EPS15L1: variants seen among roughly 807,000 people sequenced by gnomAD.
The protein encoded by EPS15L1 is epidermal growth factor receptor substrate 15-like 1.
In EPS15L1, 43 loss-of-function variants were observed where a neutral mutation model predicts 117.1. That is an observed-to-expected ratio of 0.37 (90% confidence interval 0.29 to 0.47). EPS15L1 has a LOEUF of 0.47. Ranked by LOEUF, EPS15L1 falls within the 20% of genes least tolerant of loss-of-function variation. The probability of loss-of-function intolerance (pLI) is 0.99; values close to 1 mark genes in which losing one functional copy is unlikely to be tolerated. For missense variants in EPS15L1, 981 were observed against 1,164.0 expected, an observed-to-expected ratio of 0.84 and a Z score of 2.29; for synonymous variants, 459 against 470.5, an observed-to-expected ratio of 0.98 and a Z score of 0.32.
chr19:16,403,684 G>A (rs1454407606), intron 15 of EPS15L1, 49 bp downstream of exon 15: 1 of 1,558,376 alleles, frequency 6.4e-7, no homozygotes, highest in Non-Finnish European at 8.8e-7. Context: ...TCGGCTCTTG[G>A]GGCTCGCTGG....
At chr19:16,448,811 C>G (rs1052771784) in intron 1 of EPS15L1, among the ~76,000 whole-genome samples, 1 of 151,172 alleles carries the variant, frequency 6.6e-6, no homozygotes, top group Non-Finnish European at 1.5e-5. Flanking sequence ...GCCTGGGTGA[C>G]AGAGCAAGAC....
chr19:16,359,361 G>A (rs1054298288), intron 23 of EPS15L1, among the ~76,000 whole-genome samples: 9 of 152,322 alleles, frequency 5.9e-5, no homozygotes, highest in South Asian at 2.1e-4. Flanking sequence ...CCCGAATGCC[G>A]TGAACATGGA....
intron 12 of EPS15L1, among the ~76,000 whole-genome samples, chr19:16,414,895 C>T (rs528469563): frequency 3.0e-4 from 45 of 151,846 alleles, no homozygotes; most frequent in Admixed American, 2.0e-3. Flanking sequence ...TTTTTGTAGC[C>T]GAGGTCTCAA....
intron 1 of EPS15L1, among the ~76,000 whole-genome samples, chr19:16,464,032 G>A (rs769125123): frequency 1.3e-5 from 2 of 152,262 alleles, no homozygotes; most frequent in South Asian, 4.1e-4. Flanking sequence ...CGGGGAGCAG[G>A]TGTGCTGTCA....
intron 8 of EPS15L1, among the ~76,000 whole-genome samples, chr19:16,427,597 A>C (rs908230999): frequency 6.6e-6 from 1 of 152,210 alleles, no homozygotes; most frequent in Non-Finnish European, 1.5e-5. Flanking sequence ...CACTTAAAAA[A>C]TGAAAGAAGG....
chr19:16,378,227 A>G (rs2092320294), intron 21 of EPS15L1, among the ~76,000 whole-genome samples: 1 of 151,892 alleles, frequency 6.6e-6, no homozygotes, highest in African/African-American at 2.4e-5. Context: ...GGCACTTCCT[A>G]TAGGGAAGCT....
chr19:16,392,479 A>G, intron 18 of EPS15L1, 39 bp from the exon 19 acceptor site: 1 of 1,584,154 alleles, frequency 6.3e-7, no homozygotes, highest in East Asian at 2.2e-5. Flanking sequence ...CATTATACCA[A>G]GTGAAAGAAC....
rs982737306 is a variant in EPS15L1 at position 16,365,192 on chromosome 19, A to G, written c.2381-3208T>C. 1.3e-5 allele frequency among the ~76,000 whole-genome samples: 2 copies of G among 152,238 alleles called. No homozygotes were observed. The highest frequency in any genetic ancestry group is 2.4e-5 in the African/African-American group (1 of 41,464). ...CTGGGGCTGGGAGTGGCCCTGGAAGACGGTGTGGGGCATGGCGGCCACCCC... is the reference window on the plus strand; with the variant it reads ...CTGGGGCTGGGAGTGGCCCTGGAAGGCGGTGTGGGGCATGGCGGCCACCCC... On this transcript the variant is annotated intron_variant, in intron 22 of 23. Coordinates refer to ENST00000455140, the MANE Select transcript of EPS15L1 (RefSeq NM_001258374.3). This position sits in a 1 kb window ranked among gnomAD's most constrained non-coding sequence, Gnocchi z 4.9.
chr19:16,442,743 G>A (rs1344392503), intron 1 of EPS15L1, among the ~76,000 whole-genome samples: 4 of 152,170 alleles, frequency 2.6e-5, no homozygotes, highest in Admixed American at 6.5e-5. Flanking sequence ...ACCAGCCCGC[G>A]CCCGGAGAGC....
intron 12 of EPS15L1, 64 bp from the exon 13 acceptor site, chr19:16,413,909 G>C: frequency 7.9e-7 from 1 of 1,265,998 alleles, no homozygotes. Flanking sequence ...CCTTCCCAAG[G>C]CCTGATTCTG....
chr19:16,392,493 G>C, intron 18 of EPS15L1, 53 bp from the exon 19 acceptor site: 1 of 1,517,452 alleles, frequency 6.6e-7, no homozygotes, highest in Admixed American at 1.7e-5. Flanking sequence ...AAAGAACCCA[G>C]ACATAAAAGA....
chr19:16,393,432 G>A (rs1240907090), intron 18 of EPS15L1, among the ~76,000 whole-genome samples: 1 of 151,942 alleles, frequency 6.6e-6, no homozygotes, highest in Non-Finnish European at 1.5e-5. Flanking sequence ...CAGATCACCT[G>A]AGGTCAAGAG....
chr19:16,470,635 G>C (rs914729484), intron 1 of EPS15L1, among the ~76,000 whole-genome samples: 5 of 151,894 alleles, frequency 3.3e-5, no homozygotes, highest in Admixed American at 2.6e-4. Flanking sequence ...AATAATCACC[G>C]GGTTTTAGCA....
intron 12 of EPS15L1, chr19:16,417,300 C>T (rs1189008892): frequency 2.1e-6 from 1 of 468,680 alleles, no homozygotes; most frequent in South Asian, 2.1e-5. Flanking sequence ...AGCTGCCACC[C>T]ACAGGCTCTG....
rs551429165 is a variant in EPS15L1 at position 16,406,082 on chromosome 19, G to T, written c.1267-1333C>A. On this transcript the variant is annotated intron_variant, in intron 13 of 23. Coordinates refer to ENST00000455140, the MANE Select transcript of EPS15L1 (RefSeq NM_001258374.3). Reference sequence around the variant, plus strand: ...GCGGGGAGCCATGGCTGGGTGGTGGGGCTGAGTCCGAGAGCCAGCCTGGGC... The same window carrying T: ...GCGGGGAGCCATGGCTGGGTGGTGGTGCTGAGTCCGAGAGCCAGCCTGGGC... Among the ~76,000 whole-genome samples, 54 of 152,256 alleles carry T rather than the reference G, an allele frequency of 3.5e-4. No individual in the cohort carries two copies. The South Asian group carries it at 3.7e-3, about 11-fold the overall frequency.
intron 1 of EPS15L1, among the ~76,000 whole-genome samples, chr19:16,457,163 A>T (rs1005058558): frequency 6.6e-5 from 10 of 152,192 alleles, no homozygotes; most frequent in Non-Finnish European, 1.0e-4. Context: ...CCAGTTCCCT[A>T]AAAACGAATG....
chr19:16,417,566 A>T lies in EPS15L1; in HGVS notation c.1179T>A (p.Ile393=), dbSNP rs2092770649. The T allele has an allele frequency of 6.2e-7, 1 of 1,613,976 alleles. No homozygotes were observed. Among genetic ancestry groups the T allele is most frequent in the Non-Finnish European group, 8.5e-7 (1 of 1,179,948 alleles). ...TTCCAACATACCTTTGTAACTGGGC[A>T]ATCTCTTGACTGATGTCATCAAGCT... ...VKELDDISQE[I]AQLQREKYSL... The change falls in exon 12 of 24, where the codon ATT becomes ATA. Residue 393 remains isoleucine, a synonymous_variant. Coordinates refer to ENST00000455140, the MANE Select transcript of EPS15L1 (RefSeq NM_001258374.3).
chr19:16,361,066 T>C (rs1190768095), intron 23 of EPS15L1, among the ~76,000 whole-genome samples: 1 of 152,292 alleles, frequency 6.6e-6, no homozygotes, highest in South Asian at 2.1e-4. Flanking sequence ...CGACGGCATG[T>C]TACAATCTGG....
chr19:16,458,680 A>C (rs1568468419), intron 1 of EPS15L1, among the ~76,000 whole-genome samples: 2 of 151,984 alleles, frequency 1.3e-5, no homozygotes, highest in African/African-American at 4.8e-5. Flanking sequence ...CTCCACACAC[A>C]CACTCACTCA....
Sources: gnomAD v4.1 joint callset for allele counts (sites outside exome capture counted in the v4.1 genomes callset) on GRCh38, gnomAD v4.1.1 for gene constraint, Gnocchi (gnomAD v3.1) non-coding constraint, MANE v1.5 for transcripts, NCBI Gene and HGNC (gene_info 2026-07-23, HGNC 2026-07-21) for gene names.